Variants in BRIP1 observed in about 807,000 individuals in gnomAD.
The protein encoded by BRIP1 is Fanconi anemia group J protein.
A neutral mutation model predicts 119.7 loss-of-function variants in BRIP1; 88 were observed. That is an observed-to-expected ratio of 0.74 (90% CI 0.62 to 0.88). BRIP1 has a LOEUF of 0.88. Ranked by LOEUF, BRIP1 falls within the 40% of genes least tolerant of loss-of-function variation. BRIP1 has a pLI of 0.00. For synonymous variants in BRIP1, 443 were observed against 496.5 expected (o/e 0.89, Z 1.43); for missense variants, 1,259 against 1,455.4 (o/e 0.87, Z 2.20).
At chr17:61,801,128 A>T in intron 8 of BRIP1, 125 bp downstream of exon 8, 1 of 844,412 alleles carries the variant, frequency 1.2e-6, no homozygotes, top group South Asian at 1.6e-5. Context: ...GTACTCTAAT[A>T]TGTTTACACA....
chr17:61,786,951 ATATATTTATAT>A (rs1249857346), intron 10 of BRIP1, among the ~76,000 whole-genome samples: 1 of 100,862 alleles, frequency 9.9e-6, no homozygotes, highest in African/African-American at 4.2e-5. Context: ...TTTATATATA[ATATATTTATAT>A]TATATTTATA....
rs1166695493 is a variant in BRIP1, at chr17:61,681,643, T to C, written c.*1653A>G. On this transcript the variant is annotated 3_prime_UTR_variant, in exon 20 of 20. Coordinates refer to ENST00000259008, the MANE Select transcript of BRIP1 (RefSeq NM_032043.3). The surrounding 1 kb of genome is among the most constrained non-coding windows in gnomAD (Gnocchi z 5.1). ...TTACCTTCTAATCGAGTATTTGGTA[T>C]TTACTGCTCAATGATCAACTAGAAA... 5.0e-6 allele frequency: 1 copy of C among 199,570 alleles called. No homozygotes were observed. The highest frequency in any genetic ancestry group is 1.0e-5 in the Non-Finnish European group (1 of 96,524). The allele number at this position is 199,570 out of a possible 1,614,324, so 12.4% of individuals were successfully genotyped here.
rs1603281645 is a variant in BRIP1 at position 61,695,117 on chromosome 17, T to C, written c.2493-1605A>G. ...CCTAATACAAGGTCAAGAAAATTTA[T>C]ACCTCTGTTTTTGCCTTTTTCTGTC... On this transcript the variant is annotated intron_variant, in intron 17 of 19. Coordinates refer to ENST00000259008, the MANE Select transcript of BRIP1 (RefSeq NM_032043.3). The surrounding 1 kb of genome is among the most constrained non-coding windows in gnomAD (Gnocchi z 4.3). 1.3e-5 allele frequency among the ~76,000 whole-genome samples: 2 copies of C among 152,068 alleles called. No individual in the cohort carries two copies. The highest frequency in any genetic ancestry group is 2.9e-5 in the Non-Finnish European group (2 of 67,946).
rs757427210 is a variant in BRIP1 at position 61,683,692 on chromosome 17, A to G, written c.3354T>C (p.Asn1118=). The G allele has an allele frequency of 1.1e-5, 18 of 1,613,872 alleles. No individual in the cohort carries two copies. Among genetic ancestry groups the G allele is most frequent in the East Asian group, 4.5e-5 (2 of 44,876 alleles). The change falls in exon 20 of 20, where the codon AAT becomes AAC. Residue 1118 remains asparagine (N), a synonymous_variant. Transcript: ENST00000259008. The surrounding 1 kb of genome is among the most constrained non-coding windows in gnomAD (Gnocchi z 4.7). ...VSEEDKQSTS[N]RDFETEAEDE... is the part of the protein sequence containing the mutation. ...CTTCTGCTTCTGTTTCAAAATCTCTATTTGAAGTGGACTGTTTATCTTCTT... is the reference window on the plus strand; with the variant it reads ...CTTCTGCTTCTGTTTCAAAATCTCTGTTTGAAGTGGACTGTTTATCTTCTT...
In BRIP1 at chr17:61,746,611, G is replaced by C. The variant is rs2144720500; in HGVS notation, c.2098-2020C>G. Among the ~76,000 whole-genome samples, 1 of 152,072 alleles carries C rather than the reference G, an allele frequency of 6.6e-6. No homozygotes were observed. The highest frequency in any genetic ancestry group is 1.5e-5 in the Non-Finnish European group (1 of 67,960). On this transcript the variant is annotated intron_variant, in intron 14 of 19. Coordinates refer to ENST00000259008, the MANE Select transcript of BRIP1 (RefSeq NM_032043.3). This position sits in a 1 kb window ranked among gnomAD's most constrained non-coding sequence, Gnocchi z 4.9. ...ACAAAAAAAAAGGACATTATATAAT[G>C]ATAAATGGGTCAATTCACTGGGAAT...
rs1404814826 is a variant in BRIP1, at chr17:61,740,704, A to T, written c.2379+2309T>A. On this transcript the variant is annotated intron_variant, in intron 16 of 19. Coordinates refer to ENST00000259008, the MANE Select transcript of BRIP1 (RefSeq NM_032043.3). The surrounding 1 kb of genome is among the most constrained non-coding windows in gnomAD (Gnocchi z 5.4). The stretch of plus-strand genomic sequence containing the variant: ...CTATGTTTACACTATACTGCAGTCT[A>T]TTAAGTGGGCAACAGCATTATGTCT... Among the ~76,000 whole-genome samples, 1 of 152,228 alleles carries T rather than the reference A, an allele frequency of 6.6e-6. No homozygotes were observed. The highest frequency in any genetic ancestry group is 1.5e-5 in the Non-Finnish European group (1 of 68,034).
At chr17:61,855,714 C>A (rs1427924316) in intron 4 of BRIP1, among the ~76,000 whole-genome samples, 2 of 151,788 alleles carry the variant, frequency 1.3e-5, no homozygotes, top group Admixed American at 6.6e-5. Flanking sequence ...AAAATTAATC[C>A]CATTCATTCC....
chr17:61,720,987 G>A lies in BRIP1; in HGVS notation c.2380-4924C>T, dbSNP rs147616388. Among the ~76,000 whole-genome samples the A allele has an allele frequency of 5.0e-3, 757 of 151,874 alleles. 2 individuals carry two copies. The highest frequency in any genetic ancestry group is 0.018 in the African/African-American group (732 of 41,392). ...CTCCCAAGTAGCTGGGACTACAGGC[G>A]GCCGCCACCATGCCTAGCTAATTTT... On this transcript the variant is annotated intron_variant, in intron 16 of 19. Coordinates refer to ENST00000259008, the MANE Select transcript of BRIP1 (RefSeq NM_032043.3). This position sits in a 1 kb window ranked among gnomAD's most constrained non-coding sequence, Gnocchi z 4.3.
rs989816753 is a variant in BRIP1 at position 61,701,546 on chromosome 17, G to C, written c.2493-8034C>G. ...ACTTCCTGCTTCAGCAGAGCACCAA[G>C]GTGATAGCTTAGGGCCTTTTCAGGT... On this transcript the variant is annotated intron_variant, in intron 17 of 19. Coordinates refer to ENST00000259008, the MANE Select transcript of BRIP1 (RefSeq NM_032043.3). The surrounding 1 kb of genome is among the most constrained non-coding windows in gnomAD (Gnocchi z 5.1). Among the ~76,000 whole-genome samples, 3 of 152,310 alleles carry C rather than the reference G, an allele frequency of 2.0e-5. No homozygotes were observed.
rs1359809807 is a variant in BRIP1 at position 61,686,042 on chromosome 17, G to T, written c.2699C>A (p.Thr900Asn). The change falls in exon 19 of 20, where the codon ACC becomes AAC. Residue 900 changes from threonine to asparagine, a missense_variant. By Grantham distance (65) the Thr-to-Asn change is moderately conservative. This residue lies in a region of BRIP1 where 753 missense variants were observed against 891.8 expected (regional missense o/e 0.84). Coordinates refer to ENST00000259008, the MANE Select transcript of BRIP1 (RefSeq NM_032043.3). The surrounding 1 kb of genome is among the most constrained non-coding windows in gnomAD (Gnocchi z 5.4). The stretch of plus-strand genomic sequence containing the variant: ...TGTAGACTCATTGTCCTGTATATTG[G>T]TTCTGTCCTTTATGGATACATTAAG... The part of the protein sequence containing the change: ...KVLNVSIKDR[T>N]NIQDNESTLE... 1 of 1,613,684 alleles carries T rather than the reference G, an allele frequency of 6.2e-7. No homozygotes were observed. The highest frequency in any genetic ancestry group is 8.5e-7 in the Non-Finnish European group (1 of 1,179,814).
chr17:61,787,418 TA>T (rs1368387126), intron 10 of BRIP1, among the ~76,000 whole-genome samples: 5 of 135,790 alleles, frequency 3.7e-5, no homozygotes, highest in Non-Finnish European at 4.7e-5. Context: ...AATATTTATA[TA>T]AAATATATAA....
At chr17:61,765,653 T>C (rs963758714) in intron 14 of BRIP1, among the ~76,000 whole-genome samples, 2 of 150,672 alleles carry the variant, frequency 1.3e-5, no homozygotes, top group Non-Finnish European at 3.0e-5. Context: ...CAGGCTGGTC[T>C]TGAACTCCTG....
rs1341319508 is a variant in BRIP1, at chr17:61,844,169, T to C, written c.627+2932A>G. Among the ~76,000 whole-genome samples, 1 of 151,840 alleles carries C rather than the reference T, an allele frequency of 6.6e-6. No homozygotes were observed. The highest frequency in any genetic ancestry group is 2.4e-5 in the African/African-American group (1 of 41,358). ...GTCTTGAACTCCTGACCTCAAGCAA[T>C]CCTCTCACCTTGGCCTCCCAAAGTG... On this transcript the variant is annotated intron_variant, in intron 6 of 19. Coordinates refer to ENST00000259008, the MANE Select transcript of BRIP1 (RefSeq NM_032043.3). The surrounding 1 kb of genome is among the most constrained non-coding windows in gnomAD (Gnocchi z 4.7).
intron 14 of BRIP1, among the ~76,000 whole-genome samples, chr17:61,749,395 T>C (rs911235745): frequency 6.6e-6 from 1 of 151,622 alleles, no homozygotes; most frequent in Non-Finnish European, 1.5e-5. Flanking sequence ...CCAAAATATA[T>C]TAAGAAACCC....
chr17:61,783,694 G>A (rs2077658589), intron 11 of BRIP1: 1 of 151,852 alleles, frequency 6.6e-6, no homozygotes, highest in Admixed American at 6.6e-5. Flanking sequence ...GACACTGTAG[G>A]AACATAAGAA....
At position 61,700,812 on chromosome 17, in the gene BRIP1, G is replaced by T. The variant is rs1567744175; in HGVS notation, c.2493-7300C>A. ...TGGTACGCTTGATGAGGTTTTACAG[G>T]TCTCTGAGATTATGCTAGTTGTTCT... On this transcript the variant is annotated intron_variant, in intron 17 of 19. Coordinates refer to ENST00000259008, the MANE Select transcript of BRIP1 (RefSeq NM_032043.3). The surrounding 1 kb of genome is among the most constrained non-coding windows in gnomAD (Gnocchi z 4.1). Among the ~76,000 whole-genome samples the T allele has an allele frequency of 6.6e-6, 1 of 151,988 alleles. No individual in the cohort carries two copies. Among genetic ancestry groups the T allele is most frequent in the Non-Finnish European group, 1.5e-5 (1 of 68,016 alleles).
rs1176413604 is a variant in BRIP1 at position 61,822,805 on chromosome 17, C to A, written c.628-14048G>T. Among the ~76,000 whole-genome samples, 1 of 151,502 alleles carries A rather than the reference C, an allele frequency of 6.6e-6. No individual in the cohort carries two copies. Among genetic ancestry groups the A allele is most frequent in the African/African-American group, 2.4e-5 (1 of 41,254 alleles). ...GGCCCTGTATGACTAATATGGGGAC[C>A]AACAAGTTTTCAGTTTAAAGGTGGG... On this transcript the variant is annotated intron_variant, in intron 6 of 19. Coordinates refer to ENST00000259008, the MANE Select transcript of BRIP1 (RefSeq NM_032043.3). The surrounding 1 kb of genome is among the most constrained non-coding windows in gnomAD (Gnocchi z 4.4).
Position 61,782,352 on chromosome 17 carries a change from C to T in BRIP1, c.1629-1347G>A, listed in dbSNP as rs368498044. On this transcript the variant is annotated intron_variant, in intron 11 of 19. Coordinates refer to ENST00000259008, the MANE Select transcript of BRIP1 (RefSeq NM_032043.3). Reference sequence around the variant, plus strand: ...AGTGAGCCGAGATCGCGCCACTGCACTCCAACCTGGGTGACAGAGCGAGAC... The same window carrying T: ...AGTGAGCCGAGATCGCGCCACTGCATTCCAACCTGGGTGACAGAGCGAGAC... Among the ~76,000 whole-genome samples the T allele has an allele frequency of 1.4e-3, 208 of 148,624 alleles. 1 individual carries two copies. The highest frequency in any genetic ancestry group is 5.0e-3 in the African/African-American group (203 of 40,282).
rs1287848086 is a variant in BRIP1, at chr17:61,810,439, T to G, written c.628-1682A>C. 6.6e-6 allele frequency among the ~76,000 whole-genome samples: 1 copy of G among 152,212 alleles called. No individual in the cohort carries two copies. The highest frequency in any genetic ancestry group is 2.4e-5 in the African/African-American group (1 of 41,456). ...TTAATCAATTAACATACAAAAAGAA[T>G]TAAGGTAACTCAATTAGAATTAATT... On this transcript the variant is annotated intron_variant, in intron 6 of 19. Coordinates refer to ENST00000259008, the MANE Select transcript of BRIP1 (RefSeq NM_032043.3). This position sits in a 1 kb window ranked among gnomAD's most constrained non-coding sequence, Gnocchi z 4.7.
Sources: allele counts gnomAD v4.1 joint callset (sites outside exome capture counted in the v4.1 genomes callset), GRCh38; gene constraint gnomAD v4.1.1; regional missense constraint gnomAD v4.1.1; non-coding constraint Gnocchi (gnomAD v3.1); transcripts MANE v1.5; gene names NCBI Gene and HGNC (gene_info 2026-07-23, HGNC 2026-07-21).